KCNMB4: variants seen among roughly 807,000 people sequenced by gnomAD.
KCNMB4 encodes calcium-activated potassium channel subunit beta-4.
KCNMB4 carries 3 observed loss-of-function variants against 20.7 expected under a neutral mutation model. That is an observed-to-expected ratio of 0.14 (90% CI 0.07 to 0.37). KCNMB4 has a LOEUF of 0.37. Ranked by LOEUF, KCNMB4 falls within the 10% of genes least tolerant of loss-of-function variation. KCNMB4 has a pLI of 1.00. For missense variants in KCNMB4, 168 were observed against 265.9 expected, an observed-to-expected ratio of 0.63 and a Z score of 2.56; for synonymous variants, 110 against 113.4, an observed-to-expected ratio of 0.97 and a Z score of 0.19.
chr12:70,429,494 G>A (rs1469546291), intron 2 of KCNMB4, among the ~76,000 whole-genome samples: 1 of 152,006 alleles, frequency 6.6e-6, no homozygotes, highest in African/African-American at 2.4e-5. Flanking sequence ...GTGAAACCCC[G>A]TCTCTACTAA....
chr12:70,400,737 T>C (rs1868426788), intron 2 of KCNMB4, among the ~76,000 whole-genome samples: 1 of 152,228 alleles, frequency 6.6e-6, no homozygotes, highest in Non-Finnish European at 1.5e-5. Flanking sequence ...GACTTAGTAC[T>C]CAGTTTATAC....
At chr12:70,409,114 T>C (rs1431389470) in intron 2 of KCNMB4, among the ~76,000 whole-genome samples, 1 of 152,242 alleles carries the variant, frequency 6.6e-6, no homozygotes, top group East Asian at 1.9e-4. Context: ...ATAGAGTTTT[T>C]CTATACAGGT....
chr12:70,390,074 G>A (rs2136124318), intron 1 of KCNMB4, among the ~76,000 whole-genome samples: 2 of 152,276 alleles, frequency 1.3e-5, no homozygotes, highest in South Asian at 4.1e-4. Flanking sequence ...ACAATCAGAT[G>A]TTCTGCCCAG....
At chr12:70,385,752 A>G (rs1272706270) in intron 1 of KCNMB4, among the ~76,000 whole-genome samples, 1 of 152,228 alleles carries the variant, frequency 6.6e-6, no homozygotes, top group African/African-American at 2.4e-5. Context: ...ACTTCGATCA[A>G]TTCTATGCCA....
chr12:70,421,790 C>A (rs1282638843), intron 2 of KCNMB4, among the ~76,000 whole-genome samples: 1 of 151,750 alleles, frequency 6.6e-6, no homozygotes, highest in Non-Finnish European at 1.5e-5. Context: ...ACTATGTTAG[C>A]CAGGATGGTC....
intron 1 of KCNMB4, 53 bp downstream of exon 1, chr12:70,367,123 G>A: frequency 7.0e-7 from 1 of 1,425,268 alleles, no homozygotes; most frequent in Non-Finnish European, 9.3e-7. Flanking sequence ...TTTGGAGGCA[G>A]CGTCGGTGTT....
At chr12:70,401,709 G>A (rs1426527512) in intron 2 of KCNMB4, among the ~76,000 whole-genome samples, 1 of 149,658 alleles carries the variant, frequency 6.7e-6, no homozygotes, top group East Asian at 2.0e-4. Context: ...TGAAATAGCT[G>A]CATGGTTCAA....
intron 2 of KCNMB4, among the ~76,000 whole-genome samples, chr12:70,429,666 CAAAAA>C (rs11320039): frequency 2.6e-5 from 3 of 117,186 alleles, no homozygotes; most frequent in Admixed American, 1.8e-4. Flanking sequence ...GACTCCATCT[CAAAAA>C]AAAAAAAAAA....
At chr12:70,420,900 T>C (rs1034441849) in intron 2 of KCNMB4, among the ~76,000 whole-genome samples, 6 of 151,118 alleles carry the variant, frequency 4.0e-5, no homozygotes, top group Non-Finnish European at 7.4e-5. Context: ...CTACTAAAAA[T>C]ACAAAAAATT....
chr12:70,400,404 T>G, intron 2 of KCNMB4, 68 bp downstream of exon 2: 1 of 1,484,514 alleles, frequency 6.7e-7, no homozygotes, highest in Middle Eastern at 1.8e-4. Flanking sequence ...CACTGTTATA[T>G]CGTAGATTAT....
At chr12:70,414,816 A>G (rs1017489574) in intron 2 of KCNMB4, among the ~76,000 whole-genome samples, 4 of 152,206 alleles carry the variant, frequency 2.6e-5, no homozygotes, top group African/African-American at 9.6e-5. Flanking sequence ...CAAGAATTTA[A>G]AATTTATTCC....
chr12:70,416,845 A>G (rs1313484183), intron 2 of KCNMB4, among the ~76,000 whole-genome samples: 1 of 152,188 alleles, frequency 6.6e-6, no homozygotes, highest in Non-Finnish European at 1.5e-5. Context: ...TCTTCCTACA[A>G]GCAATAGCAA....
At position 70,434,083 on chromosome 12, in the gene KCNMB4, C is replaced by G. The variant is rs1869435449; in HGVS notation, c.*3430C>G. ...CCCTTATGCTGCACATCTGGGCAAG[C>G]TGATGGAAGCATGGGTGCCTCCTCC... On this transcript the variant is annotated 3_prime_UTR_variant, in exon 3 of 3. Coordinates refer to ENST00000258111, the MANE Select transcript of KCNMB4 (RefSeq NM_014505.6). 6.6e-6 allele frequency: 1 copy of G among 152,198 alleles called. No homozygotes were observed. Among genetic ancestry groups the G allele is most frequent in the South Asian group, 2.1e-4 (1 of 4,838 alleles). 9.4% of individuals were successfully genotyped at this position (152,198 alleles called of 1,614,324 possible).
chr12:70,407,905 C>T (rs1868656087), intron 2 of KCNMB4, among the ~76,000 whole-genome samples: 1 of 152,146 alleles, frequency 6.6e-6, no homozygotes, highest in South Asian at 2.1e-4. Context: ...CGAAGATTCT[C>T]CTCTCACCCC....
At chr12:70,422,688 G>A (rs1186396967) in intron 2 of KCNMB4, 2 of 1,287,784 alleles carry the variant, frequency 1.6e-6, no homozygotes, top group Admixed American at 2.3e-5. Context: ...AAAGTCATAA[G>A]CATCCTTCTG....
At chr12:70,379,551 G>C (rs1883747616) in intron 1 of KCNMB4, among the ~76,000 whole-genome samples, 1 of 152,096 alleles carries the variant, frequency 6.6e-6, no homozygotes, top group African/African-American at 2.4e-5. Flanking sequence ...CAAGTAGCTA[G>C]GACTACAGGT....
At position 70,430,815 on chromosome 12, in the gene KCNMB4, A is replaced by T. The variant is rs1869345744; in HGVS notation, c.*162A>T. ...CAACAGAAACAGGCACAACTGGAAG[A>T]CTTGGAACCTCAAAGCTTGTATTCC... is the stretch of plus-strand genomic sequence containing the variant. On this transcript the variant is annotated 3_prime_UTR_variant, in exon 3 of 3. Transcript: ENST00000258111. The T allele has an allele frequency of 1.6e-6, 1 of 609,176 alleles. No individual in the cohort carries two copies. The highest frequency in any genetic ancestry group is 2.7e-5 in the South Asian group (1 of 37,684). The allele number at this position is 609,176 out of a possible 1,614,324, so 37.7% of individuals were successfully genotyped here. A position where few individuals can be genotyped will look rare whatever the true frequency, so the allele number is the denominator to read the frequency against.
intron 2 of KCNMB4, among the ~76,000 whole-genome samples, chr12:70,402,520 T>A (rs188390450): frequency 1.1e-4 from 17 of 151,876 alleles, no homozygotes; most frequent in Admixed American, 5.2e-4. Context: ...GATGTGCACC[T>A]GTAGTCCCAG....
intron 1 of KCNMB4, among the ~76,000 whole-genome samples, chr12:70,375,294 A>G (rs940344400): frequency 9.2e-5 from 14 of 152,034 alleles, no homozygotes; most frequent in Non-Finnish European, 1.9e-4. Context: ...TTTTCAAAGT[A>G]TGGTCAGTGG....
Sources: allele counts gnomAD v4.1 joint callset (sites outside exome capture counted in the v4.1 genomes callset), GRCh38; gene constraint gnomAD v4.1.1; transcripts MANE v1.5; gene names NCBI Gene and HGNC (gene_info 2026-07-23, HGNC 2026-07-21).